LRRC1: variants seen among roughly 807,000 people sequenced by gnomAD.
LRRC1 encodes leucine-rich repeat-containing protein 1.
In LRRC1, 28 loss-of-function variants were observed where a neutral mutation model predicts 69.9. The observed-to-expected ratio is 0.40, with a 90% confidence interval of 0.30 to 0.55. The LOEUF is 0.55. Ranked by LOEUF, LRRC1 falls within the 20% of genes least tolerant of loss-of-function variation. The pLI, the probability that LRRC1 is intolerant of heterozygous loss-of-function variation, is 0.47. For synonymous variants in LRRC1, 236 were observed against 240.2 expected, an observed-to-expected ratio of 0.98 and a Z score of 0.16; for missense variants, 498 against 609.0, an observed-to-expected ratio of 0.82 and a Z score of 1.92.
chr6:53,809,735 G>T (rs1186790647), intron 1 of LRRC1, among the ~76,000 whole-genome samples: 2 of 152,206 alleles, frequency 1.3e-5, no homozygotes, highest in African/African-American at 4.8e-5. Context: ...TTCACTGGTA[G>T]TTTCCCCTTA....
rs748318274 is a variant in LRRC1, at chr6:53,795,225, C to T, written c.-32C>T. 9 of 1,570,060 alleles carry T rather than the reference C, an allele frequency of 5.7e-6. No homozygotes were observed. The highest frequency in any genetic ancestry group is 3.5e-5 in the South Asian group (3 of 86,472). On this transcript the variant is annotated 5_prime_UTR_variant, in exon 1 of 14. Coordinates refer to ENST00000370888, the MANE Select transcript of LRRC1 (RefSeq NM_018214.5). ...GCTCGGAGCCCGGGTCTCCGCCGCT[C>T]GGGACCCGGCTAGGCGGCGGCGGGG...
intron 11 of LRRC1, among the ~76,000 whole-genome samples, chr6:53,917,145 G>A (rs1768591490): frequency 6.6e-6 from 1 of 152,134 alleles, no homozygotes; most frequent in Admixed American, 6.5e-5. Flanking sequence ...CTTGTAGCTG[G>A]GATGGTTTAC....
intron 3 of LRRC1, among the ~76,000 whole-genome samples, chr6:53,879,285 A>G (rs1307640902): frequency 1.3e-5 from 2 of 152,224 alleles, no homozygotes; most frequent in Non-Finnish European, 2.9e-5. Flanking sequence ...AGTATGTTGT[A>G]GGGATAAGGT....
chr6:53,798,583 G>C (rs1290255415), intron 1 of LRRC1, among the ~76,000 whole-genome samples: 1 of 152,108 alleles, frequency 6.6e-6, no homozygotes, highest in Non-Finnish European at 1.5e-5. Flanking sequence ...GTTTCACCAT[G>C]TTAGCCAGGA....
chr6:53,902,930 CCCTGTTGAG>C (rs1186206612), intron 9 of LRRC1, among the ~76,000 whole-genome samples, 183 bp downstream of exon 9: 1 of 152,182 alleles, frequency 6.6e-6, no homozygotes, highest in Admixed American at 6.5e-5. Context: ...GCTTAGGTTT[CCCTGTTGAG>C]CCTGTGTCCC....
rs1581909460 is a variant in LRRC1 at position 53,899,647 on chromosome 6, G to A, written c.643-100G>A. The A allele has an allele frequency of 1.1e-5, 13 of 1,190,704 alleles. No individual in the cohort carries two copies. In the East Asian group the frequency reaches 2.7e-4, roughly 25 times the overall value. The allele number at this position is 1,190,704 out of a possible 1,614,324, so 73.8% of individuals were successfully genotyped here. ...ATTCATGCTAAAGATAACATCCTTA[G>A]GACCGCCCTGGGATTTAATTGTGAA... On this transcript the variant is annotated intron_variant, in intron 7 of 13. Transcript: ENST00000370888.
intron 1 of LRRC1, among the ~76,000 whole-genome samples, chr6:53,828,517 A>T (rs1251565785): frequency 6.6e-6 from 1 of 152,190 alleles, no homozygotes; most frequent in Non-Finnish European, 1.5e-5. Context: ...GTTTAGGTCC[A>T]CCCTTCATTC....
Position 53,902,724 on chromosome 6 carries a change from G to T in LRRC1, c.883G>T (p.Val295Phe). ...GGAATGTGAAAGTCTCACTGAGTTA[G>T]TTCTTACAGAAAATCAGCTCCTGGT... is the stretch of plus-strand genomic sequence containing the variant. ...VGECESLTEL[V>F]LTENQLLTLP... Residue 295 changes from valine (V) to phenylalanine (F), a missense_variant, in exon 9 of 14, where the codon GTT becomes TTT. Transcript: ENST00000370888. 1 of 1,612,234 alleles carries T rather than the reference G, an allele frequency of 6.2e-7. No individual in the cohort carries two copies. The highest frequency in any genetic ancestry group is 1.1e-5 in the South Asian group (1 of 90,580).
chr6:53,831,346 T>C (rs1394200433), intron 1 of LRRC1, among the ~76,000 whole-genome samples: 1 of 152,190 alleles, frequency 6.6e-6, no homozygotes, highest in East Asian at 1.9e-4. Context: ...TGTATGCATC[T>C]GATATTTGGG....
intron 10 of LRRC1, among the ~76,000 whole-genome samples, chr6:53,912,750 G>C (rs1768452248): frequency 6.6e-6 from 1 of 152,136 alleles, no homozygotes; most frequent in South Asian, 2.1e-4. Flanking sequence ...AAATAGAAAA[G>C]GGCAGAAGAT....
intron 1 of LRRC1, among the ~76,000 whole-genome samples, chr6:53,797,682 G>T (rs1186753348): frequency 6.6e-6 from 1 of 152,120 alleles, no homozygotes; most frequent in Non-Finnish European, 1.5e-5. Context: ...AGGGGAAGCC[G>T]GTACCCCTTA....
intron 2 of LRRC1, among the ~76,000 whole-genome samples, chr6:53,849,169 A>G (rs552799696): frequency 6.6e-6 from 1 of 151,334 alleles, no homozygotes; most frequent in South Asian, 2.1e-4. Flanking sequence ...ATTCAGTTAC[A>G]GGTTCTCTCA....
At chr6:53,797,260 G>A (rs1370834812) in intron 1 of LRRC1, among the ~76,000 whole-genome samples, 1 of 152,090 alleles carries the variant, frequency 6.6e-6, no homozygotes, top group Non-Finnish European at 1.5e-5. Flanking sequence ...TGTAAATATG[G>A]TAAATAAACA....
At chr6:53,815,345 C>G (rs936985879) in intron 1 of LRRC1, among the ~76,000 whole-genome samples, 31 of 152,258 alleles carry the variant, frequency 2.0e-4, no homozygotes, top group East Asian at 9.6e-4. Flanking sequence ...TTTTTCTCAC[C>G]TTTAAGTGAG....
chr6:53,921,760 A>G (rs1426559282), intron 13 of LRRC1, among the ~76,000 whole-genome samples: 1 of 152,218 alleles, frequency 6.6e-6, no homozygotes, highest in Non-Finnish European at 1.5e-5. Context: ...TATTGCCTAT[A>G]GTCTTTGTTA....
At chr6:53,897,600 C>T (rs1054923669) in intron 7 of LRRC1, among the ~76,000 whole-genome samples, 20 of 152,086 alleles carry the variant, frequency 1.3e-4, no homozygotes, top group Admixed American at 1.2e-3. Flanking sequence ...TTTGTAAAAT[C>T]TGTATTTTAT....
intron 1 of LRRC1, among the ~76,000 whole-genome samples, chr6:53,802,441 C>T (rs550683205): frequency 6.6e-6 from 1 of 152,262 alleles, no homozygotes; most frequent in African/African-American, 2.4e-5. Context: ...ATCCAAAGTG[C>T]TTCATAAATT....
At chr6:53,904,168 C>T (rs1486187364) in intron 9 of LRRC1, among the ~76,000 whole-genome samples, 4 of 152,184 alleles carry the variant, frequency 2.6e-5, no homozygotes, top group Non-Finnish European at 5.9e-5. Flanking sequence ...GACTTCATTC[C>T]TTTAAAACAG....
At chr6:53,882,384 T>A (rs1767322043) in intron 3 of LRRC1, among the ~76,000 whole-genome samples, 1 of 152,150 alleles carries the variant, frequency 6.6e-6, no homozygotes, top group Non-Finnish European at 1.5e-5. Flanking sequence ...TGTCAGTGGA[T>A]CAATAAGTAT....
Sources: allele counts gnomAD v4.1 joint callset (sites outside exome capture counted in the v4.1 genomes callset), GRCh38; gene constraint gnomAD v4.1.1; transcripts MANE v1.5; gene names NCBI Gene and HGNC (gene_info 2026-07-23, HGNC 2026-07-21).